Variants in NAV2 observed in about 807,000 individuals in gnomAD.
NAV2 encodes the protein neuron navigator 2.
Under a neutral mutation model 223.2 loss-of-function variants are expected in NAV2, and 54 were observed. The observed-to-expected ratio is 0.24, with a 90% CI of 0.19 to 0.30. The LOEUF (loss-of-function observed/expected upper bound fraction) is 0.30. NAV2 is among the 10% of genes least tolerant of loss of function. The probability of loss-of-function intolerance (pLI) is 1.00; values close to 1 mark genes in which losing one functional copy is unlikely to be tolerated. For missense variants in NAV2, 2,806 were observed against 3,147.5 expected (o/e 0.89, Z 2.60); for synonymous variants, 1,279 against 1,239.3 (o/e 1.03, Z -0.67).
intron 1 of NAV2, among the ~76,000 whole-genome samples, chr11:19,702,549 C>T (rs550143085): frequency 2.0e-4 from 31 of 152,194 alleles, no homozygotes; most frequent in African/African-American, 6.7e-4. Flanking sequence ...GAGGCCAAGG[C>T]GGGCAGATTG....
In NAV2 at chr11:19,932,577, C is replaced by G. The variant is rs925321822; in HGVS notation, c.932-599C>G. Among the ~76,000 whole-genome samples, 9 of 152,316 alleles carry G rather than the reference C, an allele frequency of 5.9e-5. No homozygotes were observed. The East Asian group carries it at 1.7e-3, about 29-fold the overall frequency. On this transcript the variant is annotated intron_variant, in intron 6 of 37. Coordinates refer to ENST00000349880, the MANE Select transcript of NAV2 (RefSeq NM_145117.5). ...CAGGTGATCTGCCCGCCTCGGCCTCCCAAAGTACTGGGATTACAGGTGTGA... is the reference window on the plus strand; with the variant it reads ...CAGGTGATCTGCCCGCCTCGGCCTCGCAAAGTACTGGGATTACAGGTGTGA...
chr11:20,012,371 TACTGATAGAATCACCC>T (rs2053627244), intron 11 of NAV2, among the ~76,000 whole-genome samples: 1 of 152,210 alleles, frequency 6.6e-6, no homozygotes, highest in Non-Finnish European at 1.5e-5. Context: ...TGATGGTGCC[TACTGATAGAATCACCC>T]ACTCATGGCC....
At chr11:19,860,862 C>A (rs1158560027) in intron 3 of NAV2, among the ~76,000 whole-genome samples, 2 of 152,074 alleles carry the variant, frequency 1.3e-5, no homozygotes, top group African/African-American at 4.8e-5. Flanking sequence ...AACCCCGTCT[C>A]CACCCAAAAA....
rs542486622 is a variant in NAV2, at chr11:19,902,948, G to A, written c.931+10354G>A. Among the ~76,000 whole-genome samples the A allele has an allele frequency of 9.2e-5, 14 of 152,192 alleles. 1 individual carries two copies. The highest frequency in any genetic ancestry group is 3.4e-4 in the African/African-American group (14 of 41,452). ...AAGTGCAAGCATGGAGTGCTGAGGA[G>A]AGAGACCCTGAACAGTAAAGCCTGG... On this transcript the variant is annotated intron_variant, in intron 6 of 37. Transcript: ENST00000349880.
chr11:19,522,274 C>T (rs1358122861), intron 1 of NAV2, among the ~76,000 whole-genome samples: 1 of 152,112 alleles, frequency 6.6e-6, no homozygotes, highest in Non-Finnish European at 1.5e-5. Flanking sequence ...ACAAGGCATT[C>T]GCCTCCCTCC....
At chr11:19,962,991 G>A (rs541181341) in intron 10 of NAV2, among the ~76,000 whole-genome samples, 25 of 152,310 alleles carry the variant, frequency 1.6e-4, no homozygotes, top group Non-Finnish European at 3.2e-4. Flanking sequence ...GAGCAGTGAA[G>A]TTTAAAGGGT....
rs2050052984 is a variant in NAV2, at chr11:19,713,939, G to C, written c.244G>C (p.Val82Leu). 1 of 1,613,338 alleles carries C rather than the reference G, an allele frequency of 6.2e-7. No individual in the cohort carries two copies. Among genetic ancestry groups the C allele is most frequent in the African/African-American group, 1.3e-5 (1 of 75,054 alleles). Residue 82 changes from valine to leucine, a missense_variant, in exon 1 of 38, where the codon GTG (valine) becomes CTG (leucine). Around this residue, in one of 4 missense-constraint regions of NAV2, gnomAD observed 1,167 missense variants for 1,180.5 expected, o/e 0.99. Transcript: ENST00000349880. The surrounding 1 kb of genome is among the most constrained non-coding windows in gnomAD (Gnocchi z 7.2). ...EGLPLRKSGS[V>L]ENGFDTQIYT... ...GCTCCCGCTGCGGAAGAGCGGCTCGGTGGAAAACGGGTTCGATACCCAGGT... is the reference window on the plus strand; with the variant it reads ...GCTCCCGCTGCGGAAGAGCGGCTCGCTGGAAAACGGGTTCGATACCCAGGT...
chr11:19,467,967 A>G (rs993185961), intron 1 of NAV2, among the ~76,000 whole-genome samples: 19 of 152,248 alleles, frequency 1.2e-4, no homozygotes, highest in African/African-American at 4.6e-4. Flanking sequence ...GTGAGAATCA[A>G]CAGCGAGTCT....
In NAV2 at chr11:19,528,429, A is replaced by C. The variant is rs76794050; in HGVS notation, c.75+177402A>C. Among the ~76,000 whole-genome samples, 644 of 152,112 alleles carry C rather than the reference A, an allele frequency of 4.2e-3. 9 individuals carry two copies. The highest frequency in any genetic ancestry group is 0.027 in the Middle Eastern group (8 of 294). ...CTCTTATTTTTCATCCTTTACTGAAACTGCAGGTGAGTCCATTTCTCATAC... is the reference window on the plus strand; with the variant it reads ...CTCTTATTTTTCATCCTTTACTGAACCTGCAGGTGAGTCCATTTCTCATAC... On this transcript the variant is annotated intron_variant, in intron 1 of 37. Coordinates refer to the NAV2 transcript ENST00000360655.
intron 25 of NAV2, 22 bp from the exon 26 acceptor site, chr11:20,082,985 A>G (rs1408956024): frequency 1.9e-6 from 3 of 1,600,852 alleles, no homozygotes; most frequent in Admixed American, 1.7e-5. Context: ...CCGCTGTGAG[A>G]CTGACAGTCT....
chr11:19,693,251 T>C (rs1057287251), intron 1 of NAV2, among the ~76,000 whole-genome samples: 2 of 152,254 alleles, frequency 1.3e-5, no homozygotes, highest in Admixed American at 1.3e-4. Flanking sequence ...TGGGAGGGGA[T>C]GCTGTGTTTC....
At chr11:19,666,666 C>T (rs918961171) in intron 1 of NAV2, among the ~76,000 whole-genome samples, 3 of 152,134 alleles carry the variant, frequency 2.0e-5, no homozygotes, top group African/African-American at 7.2e-5. Context: ...CCTTACTATA[C>T]TTCTTTCAGT....
chr11:19,570,181 G>A (rs147226754), intron 1 of NAV2, among the ~76,000 whole-genome samples: 27 of 152,290 alleles, frequency 1.8e-4, no homozygotes, highest in African/African-American at 6.0e-4. Context: ...CTTGGGCTCC[G>A]GAGCTGAAGA....
At chr11:19,953,804 G>A (rs1205767491) in intron 10 of NAV2, among the ~76,000 whole-genome samples, 1 of 152,132 alleles carries the variant, frequency 6.6e-6, no homozygotes, top group African/African-American at 2.4e-5. Context: ...TAGAGATAGA[G>A]CTTGAAAAGA....
chr11:19,700,074 C>T (rs1052361148), intron 1 of NAV2, among the ~76,000 whole-genome samples: 1 of 152,152 alleles, frequency 6.6e-6, no homozygotes, highest in Admixed American at 6.5e-5. Context: ...CATGCAGTGG[C>T]CCTAAGGTAG....
At chr11:19,386,498 G>A (rs988731580) in intron 1 of NAV2, among the ~76,000 whole-genome samples, 2 of 152,198 alleles carry the variant, frequency 1.3e-5, no homozygotes, top group African/African-American at 4.8e-5. Context: ...CTGAATCTCA[G>A]TGGAGGCATA....
chr11:19,502,223 T>C (rs2042983948), intron 1 of NAV2, among the ~76,000 whole-genome samples: 1 of 152,234 alleles, frequency 6.6e-6, no homozygotes, highest in South Asian at 2.1e-4. Flanking sequence ...AAATCCCTGC[T>C]CTGCTCCCCT....
intron 1 of NAV2, among the ~76,000 whole-genome samples, chr11:19,524,954 C>T (rs926202048): frequency 6.6e-6 from 1 of 152,134 alleles, no homozygotes; most frequent in African/African-American, 2.4e-5. Flanking sequence ...TTATATTTAG[C>T]AAGTTTGGAG....
intron 1 of NAV2, among the ~76,000 whole-genome samples, chr11:19,520,852 T>A (rs1021124399): frequency 6.6e-6 from 1 of 152,220 alleles, no homozygotes; most frequent in Non-Finnish European, 1.5e-5. Flanking sequence ...GGCGTGGGCC[T>A]TGGGAGAGCA....
Sources: gnomAD v4.1 joint callset for allele counts (sites outside exome capture counted in the v4.1 genomes callset) on GRCh38, gnomAD v4.1.1 for gene constraint, gnomAD v4.1.1 regional missense constraint, Gnocchi (gnomAD v3.1) non-coding constraint, MANE v1.5 for transcripts, NCBI Gene and HGNC (gene_info 2026-07-23, HGNC 2026-07-21) for gene names.